The following NCAPH2 variants were observed in gnomAD, a reference collection of about 807,000 sequenced individuals.
The protein encoded by NCAPH2 is non-SMC condensin II complex subunit H2, also known as condensin-2 complex subunit H2.
Under a neutral mutation model 88.6 loss-of-function variants are expected in NCAPH2, and 56 were observed. The ratio of observed to expected loss-of-function variants is 0.63; its 90% CI spans 0.51 to 0.79. The LOEUF (loss-of-function observed/expected upper bound fraction) is 0.79. Ranked by LOEUF, NCAPH2 falls within the 30% of genes least tolerant of loss-of-function variation. The pLI, the probability that NCAPH2 is intolerant of heterozygous loss-of-function variation, is 0.00. For missense variants in NCAPH2, 794 were observed against 792.0 expected (o/e 1.00, Z -0.03); for synonymous variants, 378 against 313.6 (o/e 1.21, Z -2.17).
At chr22:50,518,376 G>GA in intron 7 of NCAPH2, 98 bp downstream of exon 7, 1 of 1,508,966 alleles carries the variant, frequency 6.6e-7, no homozygotes, top group Admixed American at 2.1e-5. Context: ...CTGGTCTTGG[G>GA]AGCTCCCTGT....
At chr22:50,520,890 G>C in intron 9 of NCAPH2, 75 bp from the exon 10 acceptor site, 5 of 1,511,532 alleles carry the variant, frequency 3.3e-6, no homozygotes, top group Non-Finnish European at 4.5e-6. Flanking sequence ...GTTAACCCAA[G>C]GTGGAGTTCC....
intron 9 of NCAPH2, chr22:50,519,587 G>T: frequency 3.2e-6 from 4 of 1,249,498 alleles, no homozygotes; most frequent in Non-Finnish European, 4.0e-6. Context: ...CGAGCTCACG[G>T]CAACCTGGGA....
chr22:50,512,195 A>G (rs1366982567), intron 1 of NCAPH2, among the ~76,000 whole-genome samples: 1 of 152,242 alleles, frequency 6.6e-6, no homozygotes, highest in African/African-American at 2.4e-5. Flanking sequence ...TGCTTAGTAG[A>G]GTGCCTGGCA....
At chr22:50,516,979 G>A (rs1173824612) in intron 2 of NCAPH2, among the ~76,000 whole-genome samples, 3 of 152,252 alleles carry the variant, frequency 2.0e-5, no homozygotes, top group African/African-American at 4.8e-5. Flanking sequence ...GCCCCGTGGC[G>A]GCAGGAGCTG....
At chr22:50,517,550 T>C (rs759222844) in intron 3 of NCAPH2, 27 bp from the exon 4 acceptor site, 12 of 1,614,046 alleles carry the variant, frequency 7.4e-6, no homozygotes, top group Non-Finnish European at 7.6e-6. Flanking sequence ...GCTCCTGGGA[T>C]GCCCACGGGA....
chr22:50,524,134 G>A lies in NCAPH2; in HGVS notation c.*759G>A. On this transcript the variant is annotated 3_prime_UTR_variant, in exon 20 of 20. Coordinates refer to ENST00000420993, the MANE Select transcript of NCAPH2 (RefSeq NM_152299.4). ...CTGGCCCACAGCTGCCTGGCGCAGG[G>A]CTTCTGTTCGCTTTTGCTGCTGCAG... 7 of 1,612,200 alleles carry A rather than the reference G, an allele frequency of 4.3e-6. No homozygotes were observed. The highest frequency in any genetic ancestry group is 1.3e-5 in the African/African-American group (1 of 75,062).
At chr22:50,516,403 G>T (rs1226526489) in intron 1 of NCAPH2, 44 bp from the exon 2 acceptor site, 2 of 1,594,968 alleles carry the variant, frequency 1.3e-6, no homozygotes, top group African/African-American at 2.7e-5. Context: ...AGCGAGTGCA[G>T]ACTGGGCCTT....
Position 50,521,721 on chromosome 22 carries a change from C to A in NCAPH2, c.1001-20C>A, listed in dbSNP as rs2069104628. On this transcript the variant is annotated intron_variant, in intron 11 of 19. Transcript: ENST00000420993. The stretch of plus-strand genomic sequence containing the variant: ...CCCTGATCCCCCAGCGGCTCTAAGA[C>A]AGTCCCTGTTTGCCCCCAGGTAGGC... 1.2e-6 allele frequency: 2 copies of A among 1,613,428 alleles called. No individual in the cohort carries two copies. Among genetic ancestry groups the A allele is most frequent in the Middle Eastern group, 1.6e-4 (1 of 6,062 alleles).
chr22:50,513,342 TG>T (rs2068836078), intron 1 of NCAPH2, among the ~76,000 whole-genome samples: 1 of 133,518 alleles, frequency 7.5e-6, no homozygotes, highest in Non-Finnish European at 1.5e-5. Context: ...CTCACGCCTG[TG>T]ATCCCAGCAC....
At chr22:50,520,809 C>G (rs1180682340) in intron 9 of NCAPH2, 156 bp from the exon 10 acceptor site, 1 of 745,856 alleles carries the variant, frequency 1.3e-6, no homozygotes, top group Non-Finnish European at 2.1e-6. Context: ...GTGATCTGCC[C>G]GCCTTGGCCT....
Position 50,519,237 on chromosome 22 carries a change from G to A in NCAPH2, c.778G>A (p.Asp260Asn), listed in dbSNP as rs962687383. ...GCCCCTGGGTGGGGGCGAGGACGAG[G>A]ATGCAGAGGAGGCAGTAGAGCTTCC... Reference protein sequence around the residue: ...PMPLGGGEDEDAEEAVELPEA... With the variant: ...PMPLGGGEDENAEEAVELPEA... Residue 260 changes from aspartate to asparagine, a missense_variant, in exon 9 of 20, where the codon GAT becomes AAT. Asp to Asn is a conservative substitution (Grantham distance 23, BLOSUM62 1). This residue lies in a region of NCAPH2 where 735 missense variants were observed against 696.3 expected (regional missense o/e 1.06). Coordinates refer to ENST00000420993, the MANE Select transcript of NCAPH2 (RefSeq NM_152299.4). The A allele has an allele frequency of 6.2e-7, 1 of 1,610,408 alleles. No homozygotes were observed.
chr22:50,522,078 C>T, intron 13 of NCAPH2, 39 bp downstream of exon 13: 2 of 1,613,620 alleles, frequency 1.2e-6, no homozygotes, highest in Non-Finnish European at 1.7e-6. Context: ...TTTTACTCTC[C>T]TTCCCCTACC....
At position 50,524,075 on chromosome 22, in the gene NCAPH2, C is replaced by G; in HGVS notation, c.*700C>G. On this transcript the variant is annotated 3_prime_UTR_variant, in exon 20 of 20. Transcript: ENST00000420993. Reference sequence around the variant, plus strand: ...CCCCGGAAGTCAGCCTTGCAGCGAGCCCGGCCTCTGTGATCCAGCAGGTGG... The same window carrying G: ...CCCCGGAAGTCAGCCTTGCAGCGAGGCCGGCCTCTGTGATCCAGCAGGTGG... 1 of 1,613,232 alleles carries G rather than the reference C, an allele frequency of 6.2e-7. No individual in the cohort carries two copies. The highest frequency in any genetic ancestry group is 1.3e-5 in the African/African-American group (1 of 75,046).
chr22:50,517,553 C>T lies in NCAPH2; in HGVS notation c.267-24C>T, dbSNP rs760167692. On this transcript the variant is annotated intron_variant, in intron 3 of 19. Coordinates refer to ENST00000420993, the MANE Select transcript of NCAPH2 (RefSeq NM_152299.4). ...GAGGCCCCTGCAGCTCCTGGGATGC[C>T]CACGGGATGTGCTTCTCTCTCAGGC... The T allele has an allele frequency of 1.1e-5, 18 of 1,613,914 alleles. No homozygotes were observed. The East Asian group carries it at 2.7e-4, about 24-fold the overall frequency.
chr22:50,509,640 G>A (rs1255335408), intron 1 of NCAPH2, among the ~76,000 whole-genome samples: 1 of 152,052 alleles, frequency 6.6e-6, no homozygotes, highest in Non-Finnish European at 1.5e-5. Flanking sequence ...TTTTTGTCCC[G>A]TCCAATTCGT....
chr22:50,517,952 C>A, intron 5 of NCAPH2, 21 bp from the exon 6 acceptor site: 1 of 1,609,992 alleles, frequency 6.2e-7, no homozygotes, highest in Non-Finnish European at 8.5e-7. Flanking sequence ...CCTGGCTCAC[C>A]CACCCTTGGC....
In NCAPH2 at chr22:50,523,309, G is replaced by T; in HGVS notation, c.1752G>T (p.Leu584=). Residue 584 remains leucine, a synonymous_variant, in exon 20 of 20, where the codon CTG becomes CTT. Coordinates refer to ENST00000420993, the MANE Select transcript of NCAPH2 (RefSeq NM_152299.4). ...EMAVDTMSLR[L]LTHQRAHKRF... ...CCGTGGACACCATGTCCCTGAGACT[G>T]CTCACGCACCAGCGAGCGCACAAGC... 6.3e-7 allele frequency: 1 copy of T among 1,595,762 alleles called. No individual in the cohort carries two copies.
rs931755087 is a variant in NCAPH2, at chr22:50,517,764, T to C, written c.375T>C (p.Pro125=). 1.2e-6 allele frequency: 2 copies of C among 1,613,914 alleles called. No individual in the cohort carries two copies. The highest frequency in any genetic ancestry group is 1.3e-5 in the African/African-American group (1 of 74,958). The change falls in exon 5 of 20, where the codon CCT becomes CCC. Residue 125 remains proline (P), a synonymous_variant. Coordinates refer to ENST00000420993, the MANE Select transcript of NCAPH2 (RefSeq NM_152299.4). The part of the protein sequence containing the change: ...ENEFLSLDDF[P]DSRTNVDLKN... ...AGTTCCTGTCGCTGGATGACTTCCC[T>C]GACTCCCGGACTAACGTGGATCTCA...
chr22:50,513,001 T>G (rs2068826695), intron 1 of NCAPH2, among the ~76,000 whole-genome samples: 1 of 152,250 alleles, frequency 6.6e-6, no homozygotes, highest in Non-Finnish European at 1.5e-5. Context: ...TAGGACTTCC[T>G]CTGTCATGGG....
Sources: allele counts gnomAD v4.1 joint callset (sites outside exome capture counted in the v4.1 genomes callset), GRCh38; gene constraint gnomAD v4.1.1; regional missense constraint gnomAD v4.1.1; transcripts MANE v1.5; gene names NCBI Gene and HGNC (gene_info 2026-07-23, HGNC 2026-07-21).